ADGRB3: variants seen among roughly 807,000 people sequenced by gnomAD.
ADGRB3 encodes brain-specific angiogenesis inhibitor 3.
Under a neutral mutation model 193.4 loss-of-function variants are expected in ADGRB3, and 37 were observed. The observed-to-expected ratio is 0.19, with a 90% CI of 0.15 to 0.25. The LOEUF is 0.25. Ranked by LOEUF, ADGRB3 falls within the 10% of genes least tolerant of loss-of-function variation. The pLI, the probability that ADGRB3 is intolerant of heterozygous loss-of-function variation, is 1.00. For missense variants in ADGRB3, 1,637 were observed against 1,852.9 expected (o/e 0.88, Z 2.14); for synonymous variants, 690 against 644.2 (o/e 1.07, Z -1.08).
chr6:68,719,707 T>C (rs796207576), intron 3 of ADGRB3, among the ~76,000 whole-genome samples: 6 of 151,856 alleles, frequency 4.0e-5, no homozygotes, highest in African/African-American at 1.2e-4. Flanking sequence ...TTTTTTTTTC[T>C]TTTGAATCTA....
intron 8 of ADGRB3, among the ~76,000 whole-genome samples, chr6:68,959,020 C>T (rs1331260743): frequency 6.6e-6 from 1 of 151,980 alleles, no homozygotes; most frequent in Admixed American, 6.6e-5. Flanking sequence ...AAAAATACCT[C>T]TGCTTTCTTA....
In ADGRB3 at chr6:69,361,274, C is replaced by G. The variant is rs535796817; in HGVS notation, c.4001C>G (p.Thr1334Ser). Reference protein sequence around the residue: ...EESKMNIGMETLPHERLLHYK... With the variant: ...EESKMNIGMESLPHERLLHYK... Reference sequence around the variant, plus strand: ...AGCAAAATGAATATTGGCATGGAAACCTTGCCGCATGAAAGGCTATTGCAC... The same window carrying G: ...AGCAAAATGAATATTGGCATGGAAAGCTTGCCGCATGAAAGGCTATTGCAC... Residue 1334 changes from threonine to serine, a missense_variant, in exon 29 of 32, where the codon ACC (threonine) becomes AGC (serine). Transcript: ENST00000370598. 3 of 1,612,806 alleles carry G rather than the reference C, an allele frequency of 1.9e-6. No homozygotes were observed. The highest frequency in any genetic ancestry group is 2.2e-5 in the South Asian group (2 of 91,058).
rs569885276 is a variant in ADGRB3, at chr6:69,295,522, C to A, written c.2815-29350C>A. Among the ~76,000 whole-genome samples the A allele has an allele frequency of 2.0e-5, 3 of 152,118 alleles. No individual in the cohort carries two copies. In the East Asian group the frequency reaches 5.8e-4, roughly 29 times the overall value. ...CTGCCCAGGATATTGATGGAAAGCA[C>A]AGAGAGCCTCCTCCAAGGGCTGAGA... On this transcript the variant is annotated intron_variant, in intron 20 of 31. Coordinates refer to ENST00000370598, the MANE Select transcript of ADGRB3 (RefSeq NM_001704.3).
intron 15 of ADGRB3, among the ~76,000 whole-genome samples, chr6:69,060,619 A>G (rs1042235296): frequency 3.9e-5 from 6 of 152,078 alleles, no homozygotes; most frequent in African/African-American, 1.4e-4. Flanking sequence ...GGTTTTATTA[A>G]AAGCCGGTAA....
intron 20 of ADGRB3, among the ~76,000 whole-genome samples, chr6:69,308,092 C>G (rs1768103048): frequency 6.6e-6 from 1 of 151,354 alleles, no homozygotes; most frequent in Non-Finnish European, 1.5e-5. Context: ...AAGATATAGA[C>G]TTTTTTCAAT....
At chr6:68,832,809 T>A (rs1356386763) in intron 3 of ADGRB3, among the ~76,000 whole-genome samples, 3 of 152,162 alleles carry the variant, frequency 2.0e-5, no homozygotes, top group African/African-American at 4.8e-5. Context: ...TTATATGAAT[T>A]CATTTATATC....
At chr6:69,243,223 G>A (rs1412933263) in intron 20 of ADGRB3, among the ~76,000 whole-genome samples, 1 of 151,822 alleles carries the variant, frequency 6.6e-6, no homozygotes, top group Non-Finnish European at 1.5e-5. Flanking sequence ...ATAAAAAAAA[G>A]CAAGTCTAAG....
At chr6:69,295,315 G>A (rs569839035) in intron 20 of ADGRB3, among the ~76,000 whole-genome samples, 5 of 152,246 alleles carry the variant, frequency 3.3e-5, no homozygotes, top group Admixed American at 6.5e-5. Flanking sequence ...TTGAAAAACC[G>A]ATTCAAGCCT....
chr6:68,737,342 G>T (rs1286844246), intron 3 of ADGRB3, among the ~76,000 whole-genome samples: 4 of 152,034 alleles, frequency 2.6e-5, no homozygotes, highest in Admixed American at 2.6e-4. Context: ...AATTACTAGT[G>T]ATGTTGCACA....
At chr6:69,124,317 C>T (rs1266869437) in intron 17 of ADGRB3, among the ~76,000 whole-genome samples, 1 of 152,122 alleles carries the variant, frequency 6.6e-6, no homozygotes, top group Admixed American at 6.5e-5. Context: ...ACTTCTGTTA[C>T]ATGAATTGAT....
chr6:69,241,073 T>A (rs1766374699), intron 20 of ADGRB3, among the ~76,000 whole-genome samples: 1 of 151,988 alleles, frequency 6.6e-6, no homozygotes, highest in East Asian at 1.9e-4. Context: ...CAAAATATGC[T>A]TTTAAAACTG....
intron 17 of ADGRB3, among the ~76,000 whole-genome samples, chr6:69,168,804 T>G (rs1299424775): frequency 1.3e-5 from 2 of 152,130 alleles, no homozygotes; most frequent in African/African-American, 4.8e-5. Context: ...TGTCCTCTTT[T>G]AAATTTTAGT....
At chr6:69,280,540 G>A (rs1767412199) in intron 20 of ADGRB3, among the ~76,000 whole-genome samples, 1 of 152,136 alleles carries the variant, frequency 6.6e-6, no homozygotes, top group African/African-American at 2.4e-5. Context: ...GGGAATAATA[G>A]TAATAAATAG....
chr6:69,383,046 A>C lies in ADGRB3; in HGVS notation c.4380+111A>C, dbSNP rs1235497135. On this transcript the variant is annotated intron_variant, in intron 31 of 31. Transcript: ENST00000370598. ...AACATAAGATGAGTCTACATAGAAA[A>C]AAAAAGTATAAGCCCCCAAAACATA... 1.4e-5 allele frequency: 8 copies of C among 575,992 alleles called. No homozygotes were observed. The East Asian group carries it at 2.7e-4, about 19-fold the overall frequency. The allele number at this position is 575,992 out of a possible 1,614,324, so 35.7% of individuals were successfully genotyped here.
At chr6:68,811,969 C>A (rs1222633687) in intron 3 of ADGRB3, among the ~76,000 whole-genome samples, 1 of 152,132 alleles carries the variant, frequency 6.6e-6, no homozygotes, top group African/African-American at 2.4e-5. Context: ...GTAGAGAACA[C>A]AGAGTTTTTA....
intron 17 of ADGRB3, among the ~76,000 whole-genome samples, chr6:69,128,104 T>G (rs925087576): frequency 1.3e-5 from 2 of 152,136 alleles, no homozygotes; most frequent in South Asian, 2.1e-4. Context: ...CAGTGAGAAA[T>G]TGTAGATGGG....
intron 3 of ADGRB3, among the ~76,000 whole-genome samples, chr6:68,900,479 A>G (rs1359961569): frequency 6.6e-6 from 1 of 152,148 alleles, no homozygotes; most frequent in Non-Finnish European, 1.5e-5. Flanking sequence ...AGCTATCTGA[A>G]GATATCTGAA....
intron 17 of ADGRB3, among the ~76,000 whole-genome samples, chr6:69,158,910 G>C (rs1277482410): frequency 6.6e-6 from 1 of 152,004 alleles, no homozygotes; most frequent in Non-Finnish European, 1.5e-5. Flanking sequence ...GAATAAGTCA[G>C]AATCAAGCTC....
chr6:68,852,251 A>G (rs2127391405), intron 3 of ADGRB3, among the ~76,000 whole-genome samples: 1 of 151,988 alleles, frequency 6.6e-6, no homozygotes, highest in Non-Finnish European at 1.5e-5. Flanking sequence ...ATGCTGTATA[A>G]AAAAAGATTT....
Sources: gnomAD v4.1 joint callset for allele counts (sites outside exome capture counted in the v4.1 genomes callset) on GRCh38, gnomAD v4.1.1 for gene constraint, MANE v1.5 for transcripts, NCBI Gene and HGNC (gene_info 2026-07-23, HGNC 2026-07-21) for gene names.